FNTB: variants seen among roughly 807,000 people sequenced by gnomAD.
The protein encoded by FNTB is farnesyltransferase, CAAX box, subunit beta, also known as protein farnesyltransferase subunit beta.
A neutral mutation model predicts 59.4 loss-of-function variants in FNTB; 27 were observed. The observed-to-expected ratio is 0.45, with a 90% CI of 0.34 to 0.63. The LOEUF is 0.63. FNTB is among the 20% of genes least tolerant of loss of function. The probability of loss-of-function intolerance (pLI) is 0.02; values close to 1 mark genes in which losing one functional copy is unlikely to be tolerated. For synonymous variants in FNTB, 230 were observed against 220.7 expected, an observed-to-expected ratio of 1.04 and a Z score of -0.37; for missense variants, 449 against 559.6, an observed-to-expected ratio of 0.80 and a Z score of 1.99.
rs2062615547 is a variant in FNTB, at chr14:65,051,717, C to T, written c.956-1521C>T. Among the ~76,000 whole-genome samples, 3 of 151,846 alleles carry T rather than the reference C, an allele frequency of 2.0e-5. No homozygotes were observed. The South Asian group carries it at 6.3e-4, about 32-fold the overall frequency. On this transcript the variant is annotated intron_variant, in intron 9 of 11. Coordinates refer to ENST00000246166, the MANE Select transcript of FNTB (RefSeq NM_002028.4). Reference sequence around the variant, plus strand: ...ATTTTTATTTTTAGAAATCTTTTCCCCCGTTTTTCTTTTTTGCTATTTTCT... The same window carrying T: ...ATTTTTATTTTTAGAAATCTTTTCCTCCGTTTTTCTTTTTTGCTATTTTCT...
At chr14:65,020,245 G>A (rs141659327) in intron 4 of FNTB, among the ~76,000 whole-genome samples, 53 of 152,342 alleles carry the variant, frequency 3.5e-4, no homozygotes, top group African/African-American at 1.3e-3. Context: ...TGGTATCAGA[G>A]GTTTCAAGAA....
Position 65,054,038 on chromosome 14 carries a change from G to A in FNTB, c.1068-537G>A, listed in dbSNP as rs1057089458. Among the ~76,000 whole-genome samples the A allele has an allele frequency of 1.3e-5, 2 of 152,082 alleles. No individual in the cohort carries two copies. The highest frequency in any genetic ancestry group is 4.8e-5 in the African/African-American group (2 of 41,408). On this transcript the variant is annotated intron_variant, in intron 10 of 11. Transcript: ENST00000246166. The surrounding 1 kb of genome is among the most constrained non-coding windows in gnomAD (Gnocchi z 4.4). ...ATTACAGTTTCCTTTAATAGTTTAA[G>A]GTAAAAAAAGAAAGAAAAGAAAAAA...
At chr14:65,043,164 C>G (rs2062389083) in intron 8 of FNTB, among the ~76,000 whole-genome samples, 1 of 152,130 alleles carries the variant, frequency 6.6e-6, no homozygotes, top group African/African-American at 2.4e-5. Flanking sequence ...CTGGAACGGC[C>G]TAGGTGGTCT....
chr14:64,987,021 T>A lies in FNTB; in HGVS notation c.68T>A (p.Leu23Gln). 6.2e-7 allele frequency: 1 copy of A among 1,614,212 alleles called. No individual in the cohort carries two copies. Among genetic ancestry groups the A allele is most frequent in the Non-Finnish European group, 8.5e-7 (1 of 1,180,044 alleles). The change falls in exon 1 of 12, where the codon CTG becomes CAG. Residue 23 changes from leucine (L) to glutamine (Q), a missense_variant. Coordinates refer to ENST00000246166, the MANE Select transcript of FNTB (RefSeq NM_002028.4). ...TCCTCCCCCGTCTGGTCAGAGCCGC[T>A]GTACAGTCTGAGGCCCGAGCACGCG... ...PSSSPVWSEP[L>Q]YSLRPEHARE...
intron 4 of FNTB, among the ~76,000 whole-genome samples, chr14:65,017,276 T>C (rs1489629737): frequency 6.6e-6 from 1 of 152,146 alleles, no homozygotes. Flanking sequence ...TGGGAAGTTT[T>C]CCCTTCACTC....
Position 65,009,841 on chromosome 14 carries a change from C to T in FNTB, c.210-2476C>T, listed in dbSNP as rs769857480. ...AGTTTTCTGACCCTCCATCTCTTCC[C>T]GTGGCTGATCACAGCGTTTATTGGA... is the stretch of plus-strand genomic sequence containing the variant. On this transcript the variant is annotated intron_variant, in intron 2 of 11. Transcript: ENST00000246166. This position sits in a 1 kb window ranked among gnomAD's most constrained non-coding sequence, Gnocchi z 4.2. Among the ~76,000 whole-genome samples the T allele has an allele frequency of 6.6e-5, 10 of 152,152 alleles. No individual in the cohort carries two copies. The highest frequency in any genetic ancestry group is 2.1e-4 in the South Asian group (1 of 4,832).
chr14:65,037,748 ATTT>A (rs1938147854), intron 7 of FNTB, among the ~76,000 whole-genome samples: 1 of 75,748 alleles, frequency 1.3e-5, no homozygotes, highest in African/African-American at 5.0e-5. Flanking sequence ...TTTATTATTT[ATTT>A]ATTTATTTAT....
At chr14:65,018,810 A>T (rs1289067055) in intron 4 of FNTB, among the ~76,000 whole-genome samples, 2 of 67,064 alleles carry the variant, frequency 3.0e-5, no homozygotes, top group South Asian at 5.3e-4. Flanking sequence ...ACTCTGTCTT[A>T]AAAAAAAAAA....
intron 8 of FNTB, among the ~76,000 whole-genome samples, chr14:65,042,195 G>C (rs751960979): frequency 3.9e-5 from 6 of 152,102 alleles, no homozygotes; most frequent in Non-Finnish European, 5.9e-5. Context: ...GGTTGGGGGT[G>C]GGACGGGGGG....
chr14:65,045,904 G>A (rs2062466068), intron 9 of FNTB, among the ~76,000 whole-genome samples: 1 of 152,228 alleles, frequency 6.6e-6, no homozygotes. Flanking sequence ...GTCAGCAAGT[G>A]CACTGACTTT....
At chr14:64,998,478 C>CA (rs1888486081) in intron 1 of FNTB, among the ~76,000 whole-genome samples, 1 of 152,222 alleles carries the variant, frequency 6.6e-6, no homozygotes, top group Admixed American at 6.5e-5. Flanking sequence ...TGAGATTGGA[C>CA]AGGCAATTGC....
intron 9 of FNTB, among the ~76,000 whole-genome samples, chr14:65,052,565 C>T (rs2062640284): frequency 6.6e-6 from 1 of 152,188 alleles, no homozygotes; most frequent in South Asian, 2.1e-4. Context: ...CCACAGAATT[C>T]TTTGACCATA....
rs1002363530 is a variant in FNTB, at chr14:65,027,649, C to T, written c.522-49C>T. ...GAAACCTAGAGGAGTTCCCCGCCTG[C>T]TGACACGCACTGACTGTTGCCTCTC... On this transcript the variant is annotated intron_variant, in intron 5 of 11. Coordinates refer to ENST00000246166, the MANE Select transcript of FNTB (RefSeq NM_002028.4). The surrounding 1 kb of genome is among the most constrained non-coding windows in gnomAD (Gnocchi z 5.7). 3 of 1,614,050 alleles carry T rather than the reference C, an allele frequency of 1.9e-6. No individual in the cohort carries two copies. Among genetic ancestry groups the T allele is most frequent in the Non-Finnish European group, 2.5e-6 (3 of 1,179,934 alleles).
At position 65,019,792 on chromosome 14, in the gene FNTB, G is replaced by A. The variant is rs3783718; in HGVS notation, c.374+4076G>A. On this transcript the variant is annotated intron_variant, in intron 4 of 11. Transcript: ENST00000246166. Reference sequence around the variant, plus strand: ...TCTAGGTGCAGAAAACACTTGTTATGAACAAAGCCTACTGGCTCTGACCCA... The same window carrying A: ...TCTAGGTGCAGAAAACACTTGTTATAAACAAAGCCTACTGGCTCTGACCCA... 6.5e-3 allele frequency among the ~76,000 whole-genome samples: 983 copies of A among 152,238 alleles called. 16 individuals are homozygous for A. Among genetic ancestry groups the A allele is most frequent in the South Asian group, 0.044 (210 of 4,816 alleles).
chr14:65,044,174 AG>A lies in FNTB; in HGVS notation c.823-136del. ...TGTGGGGAGGGAAGGAAAGAAAACC[AG>A]AGCACCAAAACTAGAGTGCCAAGAA... On this transcript the variant is annotated intron_variant, in intron 8 of 11. Transcript: ENST00000246166. The surrounding 1 kb of genome is among the most constrained non-coding windows in gnomAD (Gnocchi z 5.5). 6.8e-7 allele frequency: 1 copy of A among 1,474,050 alleles called. No homozygotes were observed. Among genetic ancestry groups the A allele is most frequent in the Non-Finnish European group, 9.3e-7 (1 of 1,075,226 alleles). The allele number at this position is 1,474,050 out of a possible 1,614,324, so 91.3% of individuals were successfully genotyped here.
intron 2 of FNTB, chr14:65,006,209 C>A (rs767435014): frequency 1.2e-6 from 2 of 1,610,798 alleles, no homozygotes; most frequent in African/African-American, 1.4e-5. Context: ...TCTGATTAGC[C>A]ATGGCAGAAA....
Position 65,047,924 on chromosome 14 carries a change from G to A in FNTB, c.955+3481G>A, listed in dbSNP as rs957246061. Among the ~76,000 whole-genome samples the A allele has an allele frequency of 1.3e-5, 2 of 151,918 alleles. No homozygotes were observed. Among genetic ancestry groups the A allele is most frequent in the Non-Finnish European group, 2.9e-5 (2 of 68,012 alleles). On this transcript the variant is annotated intron_variant, in intron 9 of 11. Coordinates refer to ENST00000246166, the MANE Select transcript of FNTB (RefSeq NM_002028.4). This position sits in a 1 kb window ranked among gnomAD's most constrained non-coding sequence, Gnocchi z 5.2. ...CTACACAAAACCCCTTGAACAATGG[G>A]TACCTTTGGGAGAAGAGAAGCAGAC...
rs34066098 is a variant in FNTB, at chr14:65,018,809, TAAAA to T, written c.374+3109_374+3112del. 7.3e-3 allele frequency among the ~76,000 whole-genome samples: 792 copies of T among 108,466 alleles called. 13 individuals are homozygous for T. Among genetic ancestry groups the T allele is most frequent in the South Asian group, 0.053 (177 of 3,362 alleles). The allele number at this position is 108,466 out of a possible 152,430, so 71.2% of individuals were successfully genotyped here. A position where few individuals can be genotyped will look rare whatever the true frequency, so the allele number is the denominator to read the frequency against. On this transcript the variant is annotated intron_variant, in intron 4 of 11. Transcript: ENST00000246166. ...TGGAGGACAGAGTGAGACTCTGTCT[TAAAA>T]AAAAAAAAAAAAAAAGGCCAGGCGC... is the stretch of plus-strand genomic sequence containing the variant.
At chr14:64,988,424 C>A (rs963228507) in intron 1 of FNTB, among the ~76,000 whole-genome samples, 1 of 150,162 alleles carries the variant, frequency 6.7e-6, no homozygotes, top group Admixed American at 6.6e-5. Flanking sequence ...TATTATCTGA[C>A]CTTAGACTAT....
Sources: gnomAD v4.1 joint callset for allele counts (sites outside exome capture counted in the v4.1 genomes callset) on GRCh38, gnomAD v4.1.1 for gene constraint, Gnocchi (gnomAD v3.1) non-coding constraint, MANE v1.5 for transcripts, NCBI Gene and HGNC (gene_info 2026-07-23, HGNC 2026-07-21) for gene names.